ANKRD18B: variants seen among roughly 807,000 people sequenced by gnomAD.
The protein encoded by ANKRD18B is ankyrin repeat domain-containing protein 18B.
In ANKRD18B, 75 loss-of-function variants were observed where a neutral mutation model predicts 111.8. The observed-to-expected ratio is 0.67, with a 90% CI of 0.56 to 0.81. The LOEUF is 0.81. Among genes scored for constraint, ANKRD18B ranks in the 40% least tolerant of loss-of-function variants. The pLI is 0.00. For synonymous variants in ANKRD18B, 356 were observed against 417.3 expected (o/e 0.85, Z 1.79); for missense variants, 1,038 against 1,225.5 (o/e 0.85, Z 2.28).
intron 14 of ANKRD18B, among the ~76,000 whole-genome samples, chr9:33,559,686 A>G (rs1412067150): frequency 6.6e-6 from 1 of 152,182 alleles, no homozygotes; most frequent in Non-Finnish European, 1.5e-5. Context: ...TTTTCTATAC[A>G]AAAGACGTGC....
At chr9:33,562,357 C>CT (rs1171863815) in intron 14 of ANKRD18B, among the ~76,000 whole-genome samples, 1 of 151,490 alleles carries the variant, frequency 6.6e-6, no homozygotes, top group Admixed American at 6.6e-5. Context: ...CACCTGGCAT[C>CT]TTGTTCTGTT....
At chr9:33,525,981 T>G (rs1828020108) in intron 1 of ANKRD18B, among the ~76,000 whole-genome samples, 1 of 151,984 alleles carries the variant, frequency 6.6e-6, no homozygotes, top group African/African-American at 2.4e-5. Flanking sequence ...ACTCTAACAG[T>G]GAGCAAAGTA....
intron 14 of ANKRD18B, 44 bp from the exon 15 acceptor site, chr9:33,566,175 C>T (rs749313111): frequency 2.3e-5 from 34 of 1,487,590 alleles, no homozygotes; most frequent in Middle Eastern, 3.5e-4. Context: ...TTAGATTATT[C>T]TCAGCCTACT....
rs538388469 is a variant in ANKRD18B at position 33,534,476 on chromosome 9, G to T, written c.709G>T (p.Glu237Ter). ...TCAAGACATGTTTGGCCAAACTGCC[G>T]AGGATTATGCTTTTTGTTGTGATTT... is the stretch of plus-strand genomic sequence containing the variant. ...SSQDMFGQTA[E>*]DYAFCCDLRS... The change falls in exon 5 of 19, where the codon GAG becomes TAG. Residue 237 changes from glutamate to a stop codon, truncating the protein, a stop_gained. Transcript: ENST00000684830. LOFTEE classifies it high-confidence loss of function. 4.5e-6 allele frequency: 7 copies of T among 1,549,104 alleles called. No homozygotes were observed. The highest frequency in any genetic ancestry group is 6.1e-6 in the Non-Finnish European group (7 of 1,146,316).
chr9:33,562,347 C>T (rs970293307), intron 14 of ANKRD18B, among the ~76,000 whole-genome samples: 4 of 151,378 alleles, frequency 2.6e-5, no homozygotes, highest in African/African-American at 9.7e-5. Flanking sequence ...ATCCTCTTTC[C>T]ACCTGGCATC....
intron 14 of ANKRD18B, among the ~76,000 whole-genome samples, chr9:33,560,755 T>C (rs532923985): frequency 2.6e-5 from 4 of 152,046 alleles, no homozygotes; most frequent in African/African-American, 9.6e-5. Flanking sequence ...GGTCAGGAGT[T>C]CAAGAGCATC....
At chr9:33,525,853 T>C (rs1828018257) in intron 1 of ANKRD18B, among the ~76,000 whole-genome samples, 2 of 150,232 alleles carry the variant, frequency 1.3e-5, no homozygotes, top group Non-Finnish European at 3.0e-5. Flanking sequence ...ATTATATGTA[T>C]AACAAATTGT....
intron 16 of ANKRD18B, 121 bp from the exon 17 acceptor site, chr9:33,568,550 A>G: frequency 1.2e-6 from 1 of 837,150 alleles, no homozygotes; most frequent in East Asian, 2.8e-5. Context: ...TCTTCGTGTG[A>G]AAACACTGTT....
chr9:33,548,067 A>G lies in ANKRD18B; in HGVS notation c.1279A>G (p.Ile427Val), dbSNP rs1365891945. Residue 427 changes from isoleucine to valine, a missense_variant, in exon 11 of 19, where the codon ATT becomes GTT. This residue lies in a region of ANKRD18B where 205 missense variants were observed against 201.3 expected (regional missense o/e 1.02). Transcript: ENST00000684830. ...CAGTCTCAGAAAGGAAAAGAAATAT[A>G]TTCAGGAAATTAAAAGTATTACAGA... The part of the protein sequence containing the change: ...NDSLRKEKKY[I>V]QEIKSITEIN... 17 of 1,537,632 alleles carry G rather than the reference A, an allele frequency of 1.1e-5. No individual in the cohort carries two copies. Among genetic ancestry groups the G allele is most frequent in the Non-Finnish European group, 1.5e-5 (17 of 1,142,580 alleles).
At position 33,528,714 on chromosome 9, in the gene ANKRD18B, C is replaced by T; in HGVS notation, c.207-13C>T. 6.4e-7 allele frequency: 1 copy of T among 1,573,760 alleles called. No individual in the cohort carries two copies. Among genetic ancestry groups the T allele is most frequent in the Non-Finnish European group, 8.6e-7 (1 of 1,160,530 alleles). ...TGCACTACATTTCCTGAAAACCCCT[C>T]TCGCTCTCCTAGGACTGTTCTACAT... On this transcript the variant is annotated splice_polypyrimidine_tract_variant and intron_variant, in intron 1 of 18. Coordinates refer to ENST00000684830, the MANE Select transcript of ANKRD18B (RefSeq NM_001393611.1).
At chr9:33,559,681 T>C (rs1330004293) in intron 14 of ANKRD18B, among the ~76,000 whole-genome samples, 1 of 152,174 alleles carries the variant, frequency 6.6e-6, no homozygotes, top group African/African-American at 2.4e-5. Flanking sequence ...TATATTTTTC[T>C]ATACAAAAGA....
Position 33,562,134 on chromosome 9 carries a change from C to T in ANKRD18B, c.2460+3947C>T, listed in dbSNP as rs892700434. 1.1e-4 allele frequency among the ~76,000 whole-genome samples: 16 copies of T among 152,162 alleles called. No individual in the cohort carries two copies. In the South Asian group the frequency reaches 1.7e-3, roughly 16 times the overall value. On this transcript the variant is annotated intron_variant, in intron 14 of 18. Transcript: ENST00000684830. ...ACCTTTAGTCTCTTATCCAGTGCCT[C>T]CCTCTATGGTTTCATTTTCAGTAAA...
chr9:33,564,062 C>T (rs1763632775), intron 14 of ANKRD18B, among the ~76,000 whole-genome samples: 1 of 152,180 alleles, frequency 6.6e-6, no homozygotes, highest in Non-Finnish European at 1.5e-5. Flanking sequence ...AACTCTTGGG[C>T]CCATGTCATC....
intron 10 of ANKRD18B, among the ~76,000 whole-genome samples, chr9:33,545,032 T>C (rs1018317504): frequency 6.6e-6 from 1 of 152,172 alleles, no homozygotes; most frequent in Admixed American, 6.5e-5. Flanking sequence ...AGTGTCTAAC[T>C]CTGTGCTATT....
intron 9 of ANKRD18B, among the ~76,000 whole-genome samples, chr9:33,541,623 A>G (rs1420962328): frequency 6.6e-6 from 1 of 152,146 alleles, no homozygotes; most frequent in Non-Finnish European, 1.5e-5. Flanking sequence ...ACTTCAGCCT[A>G]GAACTTTGAG....
intron 12 of ANKRD18B, among the ~76,000 whole-genome samples, chr9:33,553,012 T>C: frequency 6.6e-6 from 1 of 151,632 alleles, no homozygotes; most frequent in Non-Finnish European, 1.5e-5. Flanking sequence ...CTGGTAGATC[T>C]GGGATTCAGA....
chr9:33,531,469 G>T (rs1379071936), intron 3 of ANKRD18B, among the ~76,000 whole-genome samples: 4 of 151,706 alleles, frequency 2.6e-5, no homozygotes, highest in African/African-American at 9.7e-5. Flanking sequence ...AACTTTAGTG[G>T]ACTCATGCAG....
chr9:33,559,562 G>T (rs1828576175), intron 14 of ANKRD18B, among the ~76,000 whole-genome samples: 2 of 151,886 alleles, frequency 1.3e-5, no homozygotes, highest in Non-Finnish European at 2.9e-5. Flanking sequence ...AGAATACAAG[G>T]TCTTGCTCCT....
intron 11 of ANKRD18B, among the ~76,000 whole-genome samples, 163 bp from the exon 12 acceptor site, chr9:33,550,267 C>G (rs933833559): frequency 1.8e-4 from 28 of 152,002 alleles, no homozygotes; most frequent in Admixed American, 1.8e-3. Flanking sequence ...CTTCTATGTC[C>G]CTCACTGAAT....
Sources: allele counts gnomAD v4.1 joint callset (sites outside exome capture counted in the v4.1 genomes callset), GRCh38; gene constraint gnomAD v4.1.1; regional missense constraint gnomAD v4.1.1; transcripts MANE v1.5; gene names NCBI Gene and HGNC (gene_info 2026-07-23, HGNC 2026-07-21).